Variants in CCDC171 observed in about 807,000 individuals in gnomAD.
CCDC171 encodes coiled-coil domain-containing protein 171.
CCDC171 carries 177 observed loss-of-function variants against 168.2 expected under a neutral mutation model. The ratio of observed to expected loss-of-function variants is 1.05; its 90% CI spans 0.93 to 1.19. CCDC171 has a LOEUF of 1.19. Ranked by LOEUF, CCDC171 falls within the 50% of genes most tolerant of loss-of-function variation. The probability of loss-of-function intolerance (pLI) is 0.00; values close to 1 mark genes in which losing one functional copy is unlikely to be tolerated. For missense variants in CCDC171, 1,991 were observed against 1,539.0 expected, an observed-to-expected ratio of 1.29 and a Z score of -4.91; for synonymous variants, 687 against 540.8, an observed-to-expected ratio of 1.27 and a Z score of -3.75.
chr9:15,607,617 A>C lies in CCDC171; in HGVS notation c.675+13445A>C, dbSNP rs538473053. ...GCTGAGACCACAGGCACGTGTCACC[A>C]CACCTGGCTAATTTTTGCATTTTTT... On this transcript the variant is annotated intron_variant, in intron 6 of 25. Coordinates refer to ENST00000380701, the MANE Select transcript of CCDC171 (RefSeq NM_173550.4). Among the ~76,000 whole-genome samples, 29 of 152,124 alleles carry C rather than the reference A, an allele frequency of 1.9e-4. 1 individual carries two copies. The highest frequency in any genetic ancestry group is 8.3e-4 in the South Asian group (4 of 4,806).
Position 15,744,604 on chromosome 9 carries a change from T to A in CCDC171, c.2381T>A (p.Phe794Tyr), listed in dbSNP as rs1274535140. 1 of 1,614,098 alleles carries A rather than the reference T, an allele frequency of 6.2e-7. No homozygotes were observed. The highest frequency in any genetic ancestry group is 8.5e-7 in the Non-Finnish European group (1 of 1,179,998). Reference protein sequence around the residue: ...QEEAKMKKKTFKGLIRIFRKG... With the variant: ...QEEAKMKKKTYKGLIRIFRKG... ...GAAGCCAAGATGAAAAAGAAAACATTCAAAGGATTGATACGTATATTTCGG... is the reference window on the plus strand; with the variant it reads ...GAAGCCAAGATGAAAAAGAAAACATACAAAGGATTGATACGTATATTTCGG... The change falls in exon 17 of 26, where the codon TTC becomes TAC. Residue 794 changes from phenylalanine to tyrosine, a missense_variant. Coordinates refer to ENST00000380701, the MANE Select transcript of CCDC171 (RefSeq NM_173550.4).
chr9:16,086,330 T>C, the CCDC171 span, among the ~76,000 whole-genome samples: 6 of 150,272 alleles, frequency 4.0e-5, no homozygotes, highest in Admixed American at 2.0e-4. Context: ...TTTTTTGAGA[T>C]GGGGTCTTGC....
chr9:16,017,019 C>G (rs1833041542), intron 3 of CCDC171, among the ~76,000 whole-genome samples: 1 of 152,124 alleles, frequency 6.6e-6, no homozygotes, highest in African/African-American at 2.4e-5. Flanking sequence ...AAAGGGCCTT[C>G]TCAATAAATA....
intron 18 of CCDC171, among the ~76,000 whole-genome samples, chr9:15,772,222 G>A (rs1403315670): frequency 6.6e-6 from 1 of 152,028 alleles, no homozygotes; most frequent in Non-Finnish European, 1.5e-5. Context: ...TTAAGTTCGT[G>A]GATCGATCTA....
intron 20 of CCDC171, among the ~76,000 whole-genome samples, chr9:15,781,360 G>T (rs1048871912): frequency 9.9e-5 from 15 of 152,142 alleles, no homozygotes; most frequent in African/African-American, 3.4e-4. Context: ...TATGTTTGAG[G>T]AAGTGCAGGA....
chr9:15,566,441 C>T (rs1225250101), intron 2 of CCDC171, among the ~76,000 whole-genome samples: 1 of 152,066 alleles, frequency 6.6e-6, no homozygotes, highest in African/African-American at 2.4e-5. Context: ...CCTGTGTGGT[C>T]CCAGCTACTC....
At chr9:15,931,254 TC>T (rs1162926568) in intron 25 of CCDC171, among the ~76,000 whole-genome samples, 1 of 151,802 alleles carries the variant, frequency 6.6e-6, no homozygotes, top group Non-Finnish European at 1.5e-5. Context: ...ACATTTGTTT[TC>T]TTTTGCCTTT....
At chr9:16,065,350 G>A (rs1833979558), downstream of CCDC171, among the ~76,000 whole-genome samples, 1 of 152,044 alleles carries the variant, frequency 6.6e-6, no homozygotes, top group Admixed American at 6.6e-5. Flanking sequence ...GGGACGTTCT[G>A]GGAAAAGCTT....
At chr9:15,664,739 C>T (rs1401185089) in intron 8 of CCDC171, among the ~76,000 whole-genome samples, 1 of 123,192 alleles carries the variant, frequency 8.1e-6, no homozygotes, top group Admixed American at 9.3e-5. Flanking sequence ...ACTCTTGTTG[C>T]TCAGGCTGGA....
chr9:16,075,223 C>A, the CCDC171 span, among the ~76,000 whole-genome samples: 1 of 152,124 alleles, frequency 6.6e-6, no homozygotes, highest in East Asian at 1.9e-4. Flanking sequence ...TGTTAGAGAT[C>A]CTCATATTTC....
chr9:15,572,647 C>T (rs1239107835), intron 3 of CCDC171, among the ~76,000 whole-genome samples: 1 of 152,102 alleles, frequency 6.6e-6, no homozygotes, highest in East Asian at 1.9e-4. Flanking sequence ...GTTGGGAAAC[C>T]TTTTAATGTC....
At chr9:15,729,854 A>C in intron 16 of CCDC171, 56 bp downstream of exon 16, 1 of 1,479,430 alleles carries the variant, frequency 6.8e-7, no homozygotes, top group African/African-American at 1.4e-5. Context: ...TAACCATTAG[A>C]AACTTTTTTT....
At position 15,724,878 on chromosome 9, in the gene CCDC171, C is replaced by G; in HGVS notation, c.1594C>G (p.Gln532Glu). Residue 532 changes from glutamine to glutamate, a missense_variant, in exon 14 of 26, where the codon CAA becomes GAA. Physicochemically the swap from Gln to Glu is conservative, Grantham distance 29. Transcript: ENST00000380701. The part of the protein sequence containing the change: ...ALISTLKVEL[Q>E]NVLHCWEKEK... ...AATAAGCACTTTAAAAGTGGAACTA[C>G]AAAATGTGCTGCACTGTTGGGAGAA... 8 of 1,613,736 alleles carry G rather than the reference C, an allele frequency of 5.0e-6. No individual in the cohort carries two copies. The highest frequency in any genetic ancestry group is 6.8e-6 in the Non-Finnish European group (8 of 1,179,710).
chr9:15,827,151 C>T (rs891623932), intron 21 of CCDC171, among the ~76,000 whole-genome samples: 4 of 152,058 alleles, frequency 2.6e-5, no homozygotes, highest in African/African-American at 7.2e-5. Context: ...GCCTATTGCT[C>T]CCTTAGAGAT....
intron 15 of CCDC171, 141 bp downstream of exon 15, chr9:15,728,177 T>C: frequency 1.5e-6 from 1 of 663,904 alleles, no homozygotes; most frequent in African/African-American, 1.8e-5. Flanking sequence ...AATTATGGCT[T>C]GTCTACAACT....
chr9:15,844,699 C>T (rs1404264160), intron 21 of CCDC171, among the ~76,000 whole-genome samples: 1 of 151,946 alleles, frequency 6.6e-6, no homozygotes, highest in Non-Finnish European at 1.5e-5. Flanking sequence ...TTTGATGACT[C>T]CTGTCGTTGC....
At chr9:16,102,471 T>A in the CCDC171 span, among the ~76,000 whole-genome samples, 478 of 108,778 alleles carry the variant, frequency 4.4e-3, no homozygotes, top group African/African-American at 0.015. Flanking sequence ...GCATTTCATG[T>A]AAGGATAAAC....
At chr9:15,633,270 T>A (rs1314667819) in intron 7 of CCDC171, among the ~76,000 whole-genome samples, 1 of 151,894 alleles carries the variant, frequency 6.6e-6, no homozygotes, top group Non-Finnish European at 1.5e-5. Context: ...TGCAACCTAC[T>A]CATCTGACAA....
chr9:15,645,473 C>T (rs960008812), intron 7 of CCDC171, among the ~76,000 whole-genome samples: 4 of 152,070 alleles, frequency 2.6e-5, no homozygotes, highest in African/African-American at 9.7e-5. Context: ...TGTTCGAGCC[C>T]ATTGTGAAGA....
Sources: allele counts gnomAD v4.1 joint callset (sites outside exome capture counted in the v4.1 genomes callset), GRCh38; gene constraint gnomAD v4.1.1; transcripts MANE v1.5; gene names NCBI Gene and HGNC (gene_info 2026-07-23, HGNC 2026-07-21).